IRAK1BP1: variants seen among roughly 807,000 people sequenced by gnomAD.
The protein encoded by IRAK1BP1 is interleukin-1 receptor-associated kinase 1-binding protein 1.
A neutral mutation model predicts 28.0 loss-of-function variants in IRAK1BP1; 24 were observed. The ratio of observed to expected loss-of-function variants is 0.86; its 90% CI spans 0.62 to 1.20. IRAK1BP1 has a LOEUF of 1.20. IRAK1BP1 is among the 50% of genes most tolerant of loss of function. IRAK1BP1 has a pLI of 0.00. For missense variants in IRAK1BP1, 336 were observed against 316.7 expected (o/e 1.06, Z -0.46); for synonymous variants, 131 against 116.3 (o/e 1.13, Z -0.81).
Position 78,867,631 on chromosome 6 carries a change from G to A in IRAK1BP1, c.55G>A (p.Ala19Thr). 1 of 1,614,216 alleles carries A rather than the reference G, an allele frequency of 6.2e-7. No individual in the cohort carries two copies. Among genetic ancestry groups the A allele is most frequent in the Non-Finnish European group, 8.5e-7 (1 of 1,180,040 alleles). ...AGTGTTCGTGGAACTGGTTCCCTGG[G>A]CTGACCGGAGCCGGGAGAACAACCT... ...TRVFVELVPW[A>T]DRSRENNLAS... The change falls in exon 1 of 4, where the codon GCT becomes ACT. Residue 19 changes from alanine (A) to threonine (T), a missense_variant. By Grantham distance (58) the Ala-to-Thr change is moderately conservative. Coordinates refer to ENST00000369940, the MANE Select transcript of IRAK1BP1 (RefSeq NM_001010844.4).
chr6:78,918,516 G>GA (rs201517597), intron 4 of IRAK1BP1, among the ~76,000 whole-genome samples: 687 of 64,680 alleles, frequency 0.011, 7 homozygotes, highest in African/African-American at 0.038. Context: ...TACTCATACA[G>GA]AAAAAAAAAG....
chr6:78,969,702 T>C, the IRAK1BP1 span: 8 of 490,722 alleles, frequency 1.6e-5, no homozygotes. Context: ...TATCTTACTT[T>C]GCTATTAACA....
At chr6:78,918,411 A>G (rs778964053) in intron 4 of IRAK1BP1, among the ~76,000 whole-genome samples, 32 of 152,254 alleles carry the variant, frequency 2.1e-4, no homozygotes, top group Non-Finnish European at 3.1e-4. Context: ...AGTTGAAGAA[A>G]AAAACAAGAC....
chr6:78,893,086 A>G (rs1266810098), intron 2 of IRAK1BP1, among the ~76,000 whole-genome samples: 2 of 148,246 alleles, frequency 1.3e-5, no homozygotes, highest in African/African-American at 2.5e-5. Context: ...CAAGAAATTG[A>G]AAAAAAAAAT....
At chr6:78,903,203 C>A, downstream of IRAK1BP1, 1 of 649,076 alleles carries the variant, frequency 1.5e-6, no homozygotes, top group Non-Finnish European at 2.5e-6. Context: ...TATTAGGAGG[C>A]CAGGCATGGT....
the IRAK1BP1 span, among the ~76,000 whole-genome samples, chr6:78,960,466 T>C: frequency 6.6e-6 from 1 of 151,072 alleles, no homozygotes; most frequent in Admixed American, 6.6e-5. Flanking sequence ...TTTTTTTTTT[T>C]CTCTTAAACT....
intron 4 of IRAK1BP1, chr6:78,940,548 G>T (rs75540338): frequency 4.4e-3 from 365 of 82,674 alleles, no homozygotes; most frequent in East Asian, 7.1e-3. Flanking sequence ...TCGTAAGTTT[G>T]TTTTTTTTTT....
the IRAK1BP1 span, among the ~76,000 whole-genome samples, chr6:78,977,324 A>G: frequency 6.6e-6 from 1 of 151,860 alleles, no homozygotes; most frequent in Non-Finnish European, 1.5e-5. Context: ...GGAATTGAAC[A>G]ATGAGATCAC....
the IRAK1BP1 span, among the ~76,000 whole-genome samples, chr6:78,952,747 A>G: frequency 6.6e-6 from 1 of 152,010 alleles, no homozygotes; most frequent in African/African-American, 2.4e-5. Context: ...GTTGATTTTA[A>G]TATGTCTTCA....
At chr6:78,962,691 G>C in the IRAK1BP1 span, among the ~76,000 whole-genome samples, 10 of 152,034 alleles carry the variant, frequency 6.6e-5, no homozygotes, top group Non-Finnish European at 1.5e-4. Context: ...CTCCCCTTAA[G>C]AAGATCCTCT....
At position 78,867,909 on chromosome 6, in the gene IRAK1BP1, G is replaced by A. The variant is rs1770640523; in HGVS notation, c.315+18G>A. On this transcript the variant is annotated intron_variant, in intron 1 of 3. Coordinates refer to ENST00000369940, the MANE Select transcript of IRAK1BP1 (RefSeq NM_001010844.4). The stretch of plus-strand genomic sequence containing the variant: ...GCGTGCAGGTGAGATCTCCGCGGGG[G>A]AGGAAATAAGAGCCGGAAGACACAA... The A allele has an allele frequency of 1.3e-6, 2 of 1,542,402 alleles. No homozygotes were observed. The highest frequency in any genetic ancestry group is 8.7e-7 in the Non-Finnish European group (1 of 1,143,064).
At chr6:78,868,555 C>T (rs1487693044) in intron 1 of IRAK1BP1, among the ~76,000 whole-genome samples, 2 of 152,150 alleles carry the variant, frequency 1.3e-5, no homozygotes, top group African/African-American at 4.8e-5. Context: ...ACGGAGATGT[C>T]CATGAGACAA....
At chr6:78,915,133 T>C (rs770940096) in intron 4 of IRAK1BP1, among the ~76,000 whole-genome samples, 7 of 152,150 alleles carry the variant, frequency 4.6e-5, no homozygotes, top group African/African-American at 7.2e-5. Flanking sequence ...GTTACATGTT[T>C]TTATAACCTA....
At chr6:78,936,831 T>TA (rs1354336938) in intron 4 of IRAK1BP1, 1 of 151,824 alleles carries the variant, frequency 6.6e-6, no homozygotes, top group Non-Finnish European at 1.5e-5. Flanking sequence ...TTGCTCAGTA[T>TA]AATTAACAAA....
chr6:78,974,561 C>A, the IRAK1BP1 span, among the ~76,000 whole-genome samples: 4 of 151,914 alleles, frequency 2.6e-5, no homozygotes, highest in African/African-American at 7.3e-5. Context: ...ACACAAAAAA[C>A]CCTTCAAAAA....
At chr6:78,893,669 G>A (rs538939185) in intron 2 of IRAK1BP1, among the ~76,000 whole-genome samples, 5 of 152,164 alleles carry the variant, frequency 3.3e-5, no homozygotes, top group African/African-American at 1.2e-4. Context: ...ACTTTGGGAG[G>A]CCGAGGTGGG....
At chr6:78,908,884 C>G (rs1772332585) in intron 4 of IRAK1BP1, among the ~76,000 whole-genome samples, 1 of 152,140 alleles carries the variant, frequency 6.6e-6, no homozygotes, top group South Asian at 2.1e-4. Context: ...TATGTGCAGT[C>G]CTAGAGCTGA....
chr6:78,947,677 A>G, downstream of IRAK1BP1: 3 of 1,530,958 alleles, frequency 2.0e-6, no homozygotes, highest in Non-Finnish European at 2.7e-6. Flanking sequence ...TAAGTCTGAC[A>G]TCTTTACATA....
downstream of IRAK1BP1, chr6:78,946,467 C>T: frequency 7.2e-7 from 1 of 1,398,472 alleles, no homozygotes; most frequent in Non-Finnish European, 9.2e-7. Flanking sequence ...TGACGGAAAG[C>T]ATGATGCCAT....
Sources: allele counts gnomAD v4.1 joint callset (sites outside exome capture counted in the v4.1 genomes callset), GRCh38; gene constraint gnomAD v4.1.1; transcripts MANE v1.5; gene names NCBI Gene and HGNC (gene_info 2026-07-23, HGNC 2026-07-21).